The following UNC93A variants were observed in gnomAD, a reference collection of about 807,000 sequenced individuals.
UNC93A encodes the protein N-acetylglucosamine transporter UNC93A.
Under a neutral mutation model 47.5 loss-of-function variants are expected in UNC93A, and 43 were observed. The observed-to-expected ratio is 0.91, with a 90% CI of 0.71 to 1.17. The LOEUF (loss-of-function observed/expected upper bound fraction) is 1.17. Ranked by LOEUF, UNC93A falls within the 50% of genes most tolerant of loss-of-function variation. UNC93A has a pLI of 0.00. For synonymous variants in UNC93A, 280 were observed against 258.0 expected, an observed-to-expected ratio of 1.09 and a Z score of -0.82; for missense variants, 605 against 577.6, an observed-to-expected ratio of 1.05 and a Z score of -0.49.
intron 7 of UNC93A, among the ~76,000 whole-genome samples, chr6:167,310,423 G>A (rs1358715615): frequency 6.6e-6 from 1 of 152,284 alleles, no homozygotes; most frequent in Non-Finnish European, 1.5e-5. Flanking sequence ...CTCAGGGAAA[G>A]CCTTGTTGAA....
chr6:167,304,254 G>C (rs1290044149), intron 5 of UNC93A, 121 bp downstream of exon 5: 21 of 1,097,498 alleles, frequency 1.9e-5, no homozygotes, highest in Middle Eastern at 2.9e-4. Context: ...GGGCTGGAGG[G>C]AGCGGGGTCC....
intron 7 of UNC93A, among the ~76,000 whole-genome samples, 191 bp downstream of exon 7, chr6:167,308,101 A>G (rs545539439): frequency 6.6e-6 from 1 of 152,312 alleles, no homozygotes; most frequent in African/African-American, 2.4e-5. Flanking sequence ...ATTCAGATTC[A>G]TGATGCAAAA....
At chr6:167,286,856 T>C (rs1395893351), upstream of UNC93A, among the ~76,000 whole-genome samples, 1 of 151,530 alleles carries the variant, frequency 6.6e-6, no homozygotes, top group Non-Finnish European at 1.5e-5. Flanking sequence ...CGGGTGCCTG[T>C]AATCCCAGCT....
At chr6:167,310,656 A>G (rs1297861482) in intron 7 of UNC93A, among the ~76,000 whole-genome samples, 2 of 152,200 alleles carry the variant, frequency 1.3e-5, no homozygotes, top group East Asian at 3.8e-4. Flanking sequence ...TGAACCAGAC[A>G]GATCACTTAA....
In UNC93A at chr6:167,291,486, C is replaced by A; in HGVS notation, c.-4C>A. 6.2e-7 allele frequency: 1 copy of A among 1,612,792 alleles called. No homozygotes were observed. Among genetic ancestry groups the A allele is most frequent in the Non-Finnish European group, 8.5e-7 (1 of 1,179,572 alleles). ...ACTGGTGATTGATCTTTTCATCCAGCACAATGGACAGAAGTCTAAGGAACG... is the reference window on the plus strand; with the variant it reads ...ACTGGTGATTGATCTTTTCATCCAGAACAATGGACAGAAGTCTAAGGAACG... On this transcript the variant is annotated 5_prime_UTR_variant, in exon 1 of 8. Transcript: ENST00000230256.
chr6:167,269,777 T>TTG (rs1169850514), upstream of UNC93A, among the ~76,000 whole-genome samples: 32 of 151,512 alleles, frequency 2.1e-4, no homozygotes, highest in Non-Finnish European at 3.7e-4. Flanking sequence ...TGGCTTTTTT[T>TTG]TGTGTGTGTG....
rs2076005 is a variant in UNC93A, at chr6:167,291,456, T to G, written c.-34T>G. The G allele has an allele frequency of 0.65, 1,027,815 of 1,593,232 alleles. 334,059 individuals carry two copies. The highest frequency in any genetic ancestry group is 0.66 in the Middle Eastern group (3,972 of 5,990). On this transcript the variant is annotated 5_prime_UTR_variant, in exon 1 of 8. Transcript: ENST00000230256. ...TCTTTTAGGGAGCTACAAATTTACG[T>G]GTTCACTGGTGATTGATCTTTTCAT...
chr6:167,273,881 C>T (rs376503), intron 1 of UNC93A, among the ~76,000 whole-genome samples: 49,270 of 150,948 alleles, frequency 0.33, 8,218 homozygotes, highest in African/African-American at 0.36. Flanking sequence ...AGACCAAGGT[C>T]CTTACTATGC....
At chr6:167,298,261 T>A in intron 4 of UNC93A, 191 bp downstream of exon 4, 1 of 832,196 alleles carries the variant, frequency 1.2e-6, no homozygotes, top group Non-Finnish European at 1.8e-6. Context: ...ACCCGTGCTG[T>A]CTAACAGAGG....
chr6:167,301,315 A>G (rs1281397643), intron 4 of UNC93A, among the ~76,000 whole-genome samples: 1 of 152,264 alleles, frequency 6.6e-6, no homozygotes, highest in Non-Finnish European at 1.5e-5. Context: ...TATGTAGAGC[A>G]GAGATCACAC....
In UNC93A at chr6:167,293,034, C is replaced by T. The variant is rs182556873; in HGVS notation, c.87+1458C>T. ...GCCAGAGGAAGGGGGCTGGAGGGGG[C>T]TGGGAGCTGCCAGGGGTCCCTCCTC... On this transcript the variant is annotated intron_variant, in intron 1 of 7. Coordinates refer to ENST00000230256, the MANE Select transcript of UNC93A (RefSeq NM_018974.4). Among the ~76,000 whole-genome samples the T allele has an allele frequency of 3.7e-3, 562 of 152,250 alleles. 2 individuals carry two copies. The highest frequency in any genetic ancestry group is 0.024 in the Middle Eastern group (7 of 294).
At chr6:167,290,136 C>T (rs1021283573), upstream of UNC93A, among the ~76,000 whole-genome samples, 1 of 152,168 alleles carries the variant, frequency 6.6e-6, no homozygotes, top group Non-Finnish European at 1.5e-5. Flanking sequence ...GATCACCTAG[C>T]TAACAAATTA....
rs776762230 is a variant in UNC93A, at chr6:167,304,083, C to T, written c.790C>T (p.Pro264Ser). The change falls in exon 5 of 8, where the codon CCG becomes TCG. Residue 264 changes from proline to serine, a missense_variant. Physicochemically the swap from Pro to Ser is moderately conservative, Grantham distance 74. Coordinates refer to ENST00000230256, the MANE Select transcript of UNC93A (RefSeq NM_018974.4). ...ACGTCTGTGCCTCTTAATTCTGCTG[C>T]CGCTGTACAGTGGATTGCAGCAAGG... ...DKRLCLLILL[P>S]LYSGLQQGFL... is the part of the protein sequence containing the mutation. The T allele has an allele frequency of 1.2e-6, 2 of 1,614,162 alleles. No homozygotes were observed. The highest frequency in any genetic ancestry group is 3.3e-5 in the Admixed American group (2 of 60,018).
At chr6:167,307,624 AGGACGGTTG>A (rs1259556110) in intron 6 of UNC93A, among the ~76,000 whole-genome samples, 146 bp from the exon 7 acceptor site, 1 of 151,926 alleles carries the variant, frequency 6.6e-6, no homozygotes, top group African/African-American at 2.4e-5. Flanking sequence ...ACAATTCCAG[AGGACGGTTG>A]AGATGGTTGA....
intron 1 of UNC93A, among the ~76,000 whole-genome samples, chr6:167,283,961 A>G (rs1174238178): frequency 6.6e-6 from 1 of 152,150 alleles, no homozygotes; most frequent in Non-Finnish European, 1.5e-5. Flanking sequence ...AGCACATTAA[A>G]TCCCATCTGG....
At chr6:167,281,213 C>A (rs1289757209) in intron 1 of UNC93A, among the ~76,000 whole-genome samples, 1 of 151,376 alleles carries the variant, frequency 6.6e-6, no homozygotes, top group East Asian at 1.9e-4. Context: ...CTGAAAGGAG[C>A]CCCAGGGGGA....
chr6:167,308,113 T>C (rs1381250129), intron 7 of UNC93A, among the ~76,000 whole-genome samples: 1 of 152,188 alleles, frequency 6.6e-6, no homozygotes, highest in Non-Finnish European at 1.5e-5. Flanking sequence ...GATGCAAAAC[T>C]GGAAAACCAC....
rs1583086939 is a variant in UNC93A at position 167,304,350 on chromosome 6, T to C, written c.840+217T>C. 2.0e-5 allele frequency among the ~76,000 whole-genome samples: 3 copies of C among 152,278 alleles called. No individual in the cohort carries two copies. The South Asian group carries it at 6.2e-4, about 32-fold the overall frequency. The stretch of plus-strand genomic sequence containing the variant: ...TCCAACTCACAGGAGCTTCCACTTC[T>C]TGTCTCAAGGGAGAACGTCTTGCTT... On this transcript the variant is annotated intron_variant, in intron 5 of 7. Transcript: ENST00000230256.
chr6:167,310,111 A>G (rs1354993624), intron 7 of UNC93A, among the ~76,000 whole-genome samples: 1 of 152,210 alleles, frequency 6.6e-6, no homozygotes, highest in Non-Finnish European at 1.5e-5. Flanking sequence ...TAAGCATCAA[A>G]CAGTATTTGT....
Sources: gnomAD v4.1 joint callset for allele counts (sites outside exome capture counted in the v4.1 genomes callset) on GRCh38, gnomAD v4.1.1 for gene constraint, MANE v1.5 for transcripts, NCBI Gene and HGNC (gene_info 2026-07-23, HGNC 2026-07-21) for gene names.